DCAF8: variants seen among roughly 807,000 people sequenced by gnomAD.
DCAF8 encodes the protein DDB1- and CUL4-associated factor 8.
DCAF8 carries 20 observed loss-of-function variants against 68.0 expected under a neutral mutation model. The ratio of observed to expected loss-of-function variants is 0.29; its 90% CI spans 0.21 to 0.43. DCAF8 has a LOEUF of 0.43. Ranked by LOEUF, DCAF8 falls within the 20% of genes least tolerant of loss-of-function variation. The pLI is 1.00. For synonymous variants in DCAF8, 230 were observed against 276.9 expected, an observed-to-expected ratio of 0.83 and a Z score of 1.68; for missense variants, 460 against 771.0, an observed-to-expected ratio of 0.60 and a Z score of 4.78.
At chr1:160,257,446 T>C (rs1557844175) in intron 2 of DCAF8, among the ~76,000 whole-genome samples, 1 of 152,220 alleles carries the variant, frequency 6.6e-6, no homozygotes, top group Non-Finnish European at 1.5e-5. Context: ...TGAATCTATC[T>C]ACTGAAAGCA....
chr1:160,262,161 G>A (rs1657122588), intron 1 of DCAF8: 1 of 395,676 alleles, frequency 2.5e-6, no homozygotes, highest in Non-Finnish European at 4.4e-6. Flanking sequence ...CTTCGGGTCG[G>A]CGGAAGGAAA....
At chr1:160,255,285 T>C (rs1362473065) in intron 2 of DCAF8, among the ~76,000 whole-genome samples, 1 of 152,230 alleles carries the variant, frequency 6.6e-6, no homozygotes, top group Non-Finnish European at 1.5e-5. Flanking sequence ...CCTCTTTTAA[T>C]TTTTAAAATA....
chr1:160,258,711 T>C (rs1656938830), intron 2 of DCAF8, among the ~76,000 whole-genome samples: 1 of 150,946 alleles, frequency 6.6e-6, no homozygotes. Context: ...AGCCCAGGAG[T>C]TTGAGACCAG....
intron 3 of DCAF8, among the ~76,000 whole-genome samples, chr1:160,240,639 C>G (rs1401139735): frequency 1.3e-5 from 2 of 152,222 alleles, no homozygotes; most frequent in Non-Finnish European, 2.9e-5. Context: ...ATTAAGTTCT[C>G]AAGAGGCAAA....
intron 4 of DCAF8, chr1:160,239,210 A>G (rs1357545888): frequency 2.7e-6 from 3 of 1,091,178 alleles, no homozygotes; most frequent in Admixed American, 9.3e-5. Context: ...CCAGAATAAC[A>G]ACAGTATAAG....
intron 3 of DCAF8, among the ~76,000 whole-genome samples, chr1:160,242,538 ATT>A (rs1382575507): frequency 6.6e-6 from 1 of 152,188 alleles, no homozygotes; most frequent in Non-Finnish European, 1.5e-5. Flanking sequence ...AATATAGACA[ATT>A]TTGGAGGCCT....
chr1:160,241,620 T>C (rs1310946998), intron 3 of DCAF8, among the ~76,000 whole-genome samples: 1 of 152,166 alleles, frequency 6.6e-6, no homozygotes, highest in Non-Finnish European at 1.5e-5. Flanking sequence ...ACTTCCAACC[T>C]AAGTCAAGGT....
intron 7 of DCAF8, among the ~76,000 whole-genome samples, chr1:160,227,031 A>C (rs187341276): frequency 1.9e-4 from 29 of 152,354 alleles, no homozygotes; most frequent in African/African-American, 6.7e-4. Flanking sequence ...CCTGTTTCAG[A>C]ATATAATGAA....
chr1:160,258,671 G>A (rs772831142), intron 2 of DCAF8, among the ~76,000 whole-genome samples: 5 of 151,684 alleles, frequency 3.3e-5, no homozygotes, highest in Non-Finnish European at 7.4e-5. Flanking sequence ...TGCGGTCCCA[G>A]CTACTCAGCT....
chr1:160,262,090 G>C, intron 1 of DCAF8: 1 of 366,944 alleles, frequency 2.7e-6, no homozygotes. Context: ...TGTGCGGCTG[G>C]CTCTTGGGGG....
intron 2 of DCAF8, among the ~76,000 whole-genome samples, chr1:160,253,646 TCAAAAAAAAAA>T (rs1656695407): frequency 4.6e-5 from 1 of 21,764 alleles, no homozygotes; most frequent in African/African-American, 1.5e-4. Flanking sequence ...AGACTCCATC[TCAAAAAAAAAA>T]AAAAAAAAAA....
rs2101741812 is a variant in DCAF8, at chr1:160,239,826, G to A, written c.594C>T (p.Thr198=). The stretch of plus-strand genomic sequence containing the variant: ...AGGTGCCGCGCTGGTTAAAGTGCAG[G>A]GTATTGACACAACCAGTATGGCCCT... The part of the protein sequence containing the change: ...GLEGHTGCVN[T]LHFNQRGTWL... The change falls in exon 4 of 14, where the codon ACC becomes ACT. Residue 198 remains threonine (T), a synonymous_variant. Transcript: ENST00000368074. 4 of 1,614,238 alleles carry A rather than the reference G, an allele frequency of 2.5e-6. No homozygotes were observed. The highest frequency in any genetic ancestry group is 3.3e-5 in the Admixed American group (2 of 60,034).
At position 160,237,242 on chromosome 1, in the gene DCAF8, A is replaced by C. The variant is rs1255902075; in HGVS notation, c.865-13T>G. The C allele has an allele frequency of 2.0e-6, 3 of 1,532,676 alleles. No individual in the cohort carries two copies. The highest frequency in any genetic ancestry group is 8.9e-7 in the Non-Finnish European group (1 of 1,129,458). The allele number at this position is 1,532,676 out of a possible 1,614,324, so 94.9% of individuals were successfully genotyped here. A position where few individuals can be genotyped will look rare whatever the true frequency, so the allele number is the denominator to read the frequency against. On this transcript the variant is annotated splice_polypyrimidine_tract_variant and intron_variant, in intron 5 of 13. Transcript: ENST00000368074. ...GTTCCAGTGCCAACTGAAGAAGAAAAAGGAAAAACATGAGGTTTCTAAATA... is the reference window on the plus strand; with the variant it reads ...GTTCCAGTGCCAACTGAAGAAGAAACAGGAAAAACATGAGGTTTCTAAATA...
intron 6 of DCAF8, among the ~76,000 whole-genome samples, chr1:160,235,686 G>A (rs1241725538): frequency 6.6e-6 from 1 of 151,164 alleles, no homozygotes; most frequent in Non-Finnish European, 1.5e-5. Context: ...TATGTATTTA[G>A]GTACAAAATG....
chr1:160,253,144 G>GA (rs1656667696), intron 2 of DCAF8, among the ~76,000 whole-genome samples: 1 of 152,134 alleles, frequency 6.6e-6, no homozygotes, highest in African/African-American at 2.4e-5. Context: ...AGAGCAGAGA[G>GA]AAAAATTGAG....
chr1:160,248,518 G>A (rs1211410789), intron 2 of DCAF8, among the ~76,000 whole-genome samples: 4 of 151,076 alleles, frequency 2.6e-5, no homozygotes, highest in Admixed American at 6.6e-5. Flanking sequence ...GGCAGATCAC[G>A]AGGTCAGGAG....
Position 160,231,513 on chromosome 1 carries a change from T to C in DCAF8, c.960-106A>G, listed in dbSNP as rs1038219810. 27 of 741,012 alleles carry C rather than the reference T, an allele frequency of 3.6e-5. No homozygotes were observed. In the African/African-American group the frequency reaches 4.8e-4, roughly 13 times the overall value. 45.9% of individuals were successfully genotyped at this position (741,012 alleles called of 1,614,324 possible). On this transcript the variant is annotated intron_variant, in intron 6 of 13. Transcript: ENST00000368074. ...CATGGCTAATAAGAAACCAAAGAGA[T>C]TCTCATTTGGAAAGAAAGAATTGTT...
intron 3 of DCAF8, among the ~76,000 whole-genome samples, chr1:160,242,664 T>C (rs1021533605): frequency 4.6e-5 from 7 of 152,124 alleles, no homozygotes; most frequent in African/African-American, 1.7e-4. Flanking sequence ...AAGGGCCAGA[T>C]AGTAAAAACC....
intron 5 of DCAF8, 45 bp downstream of exon 5, chr1:160,238,562 C>G (rs1376966164): frequency 6.5e-7 from 1 of 1,539,674 alleles, no homozygotes; most frequent in South Asian, 1.2e-5. Context: ...CTGAGAACCA[C>G]AGAGGATTTG....
Sources: allele counts gnomAD v4.1 joint callset (sites outside exome capture counted in the v4.1 genomes callset), GRCh38; gene constraint gnomAD v4.1.1; transcripts MANE v1.5; gene names NCBI Gene and HGNC (gene_info 2026-07-23, HGNC 2026-07-21).